Variants in ARHGAP28 observed in about 807,000 individuals in gnomAD.
The protein encoded by ARHGAP28 is Rho GTPase activating protein 28, also known as rho GTPase-activating protein 28.
In ARHGAP28, 56 loss-of-function variants were observed where a neutral mutation model predicts 90.7. The ratio of observed to expected loss-of-function variants is 0.62; its 90% CI spans 0.50 to 0.77. The LOEUF (loss-of-function observed/expected upper bound fraction) is 0.77. ARHGAP28 is among the 30% of genes least tolerant of loss of function. ARHGAP28 has a pLI of 0.00. For synonymous variants in ARHGAP28, 308 were observed against 323.3 expected (o/e 0.95, Z 0.51); for missense variants, 869 against 900.9 (o/e 0.96, Z 0.45).
intron 16 of ARHGAP28, among the ~76,000 whole-genome samples, chr18:6,899,730 G>T (rs773262699): frequency 6.6e-6 from 1 of 152,328 alleles, no homozygotes; most frequent in African/African-American, 2.4e-5. Context: ...GTGAGGCAGT[G>T]CAAGGCAGGC....
intron 17 of ARHGAP28, among the ~76,000 whole-genome samples, chr18:6,909,302 T>TTTC (rs2057383154): frequency 1.1e-4 from 1 of 9,016 alleles, no homozygotes; most frequent in African/African-American, 2.5e-4. Context: ...TTTCTTTTCT[T>TTTC]TTTTTTTTGA....
intron 1 of ARHGAP28, among the ~76,000 whole-genome samples, chr18:6,747,186 A>G (rs2056030758): frequency 6.6e-6 from 1 of 151,990 alleles, no homozygotes; most frequent in Non-Finnish European, 1.5e-5. Context: ...ATTGGAGCCC[A>G]GGAGAACTGG....
intron 4 of ARHGAP28, among the ~76,000 whole-genome samples, chr18:6,855,428 G>C (rs747081552): frequency 4.6e-5 from 7 of 152,162 alleles, no homozygotes; most frequent in Non-Finnish European, 1.0e-4. Flanking sequence ...ACCCATTTCA[G>C]GTCTCTTCAG....
At chr18:6,800,239 G>C (rs2056472031) in intron 1 of ARHGAP28, among the ~76,000 whole-genome samples, 1 of 152,184 alleles carries the variant, frequency 6.6e-6, no homozygotes, top group Admixed American at 6.5e-5. Flanking sequence ...GGAGAAATAG[G>C]AACACTTTTA....
At chr18:6,760,227 A>G (rs1054331258) in intron 1 of ARHGAP28, among the ~76,000 whole-genome samples, 5 of 152,214 alleles carry the variant, frequency 3.3e-5, no homozygotes, top group East Asian at 1.9e-4. Flanking sequence ...ATTTGCAAAT[A>G]TGATTATTTT....
At chr18:6,740,901 A>G (rs1362500301) in intron 1 of ARHGAP28, among the ~76,000 whole-genome samples, 4 of 152,186 alleles carry the variant, frequency 2.6e-5, no homozygotes, top group Non-Finnish European at 5.9e-5. Context: ...CCTGCTTCCC[A>G]TTACCACAGC....
rs185119042 is a variant in ARHGAP28, at chr18:6,730,575, A to G, written c.122+632A>G. Among the ~76,000 whole-genome samples, 8 of 152,346 alleles carry G rather than the reference A, an allele frequency of 5.3e-5. No homozygotes were observed. In the East Asian group the frequency reaches 5.8e-4, roughly 11 times the overall value. ...ATTTCCTTTTGGTCAAAAGAAGTCT[A>G]TAAGCATCTCATCCTGTACATTTCA... On this transcript the variant is annotated intron_variant, in intron 1 of 17. Transcript: ENST00000383472.
intron 14 of ARHGAP28, among the ~76,000 whole-genome samples, chr18:6,892,364 C>A (rs2057272700): frequency 6.6e-6 from 1 of 152,114 alleles, no homozygotes; most frequent in South Asian, 2.1e-4. Context: ...GTTGGCCAGG[C>A]TGGTTTCGAA....
At chr18:6,824,512 G>A (rs2056647893) in intron 1 of ARHGAP28, among the ~76,000 whole-genome samples, 1 of 151,924 alleles carries the variant, frequency 6.6e-6, no homozygotes, top group South Asian at 2.1e-4. Context: ...ACTCCAGCCT[G>A]GGCAACAGAG....
At chr18:6,893,363 A>G (rs1169720582) in intron 14 of ARHGAP28, among the ~76,000 whole-genome samples, 1 of 152,194 alleles carries the variant, frequency 6.6e-6, no homozygotes, top group African/African-American at 2.4e-5. Flanking sequence ...GAAAAGCATA[A>G]GTAAAAATGA....
chr18:6,876,704 G>GAGC (rs1725611572), intron 10 of ARHGAP28, among the ~76,000 whole-genome samples: 1 of 152,116 alleles, frequency 6.6e-6, no homozygotes, highest in Admixed American at 6.6e-5. Flanking sequence ...GCTCTTACAG[G>GAGC]AATTTGTAGC....
chr18:6,903,812 G>GCAAGACTC (rs1186698021), intron 16 of ARHGAP28, among the ~76,000 whole-genome samples: 1 of 107,694 alleles, frequency 9.3e-6, no homozygotes, highest in African/African-American at 3.7e-5. Flanking sequence ...CTGGGTGACA[G>GCAAGACTC]CAAGACTCCA....
chr18:6,809,968 C>T (rs908444437), intron 1 of ARHGAP28, among the ~76,000 whole-genome samples: 1 of 152,138 alleles, frequency 6.6e-6, no homozygotes, highest in Non-Finnish European at 1.5e-5. Flanking sequence ...TAAATTTCTT[C>T]AGAAATAAAT....
At chr18:6,883,989 T>C (rs2057199777) in intron 11 of ARHGAP28, among the ~76,000 whole-genome samples, 2 of 152,188 alleles carry the variant, frequency 1.3e-5, no homozygotes, top group African/African-American at 2.4e-5. Flanking sequence ...TAAAATACTT[T>C]CTGTTTTTCT....
intron 1 of ARHGAP28, among the ~76,000 whole-genome samples, chr18:6,812,393 G>T (rs920612964): frequency 2.0e-5 from 3 of 152,146 alleles, no homozygotes. Flanking sequence ...TTGAATGAAA[G>T]CTCAACAGAT....
At chr18:6,831,636 A>G (rs921144557) in intron 2 of ARHGAP28, among the ~76,000 whole-genome samples, 1 of 151,986 alleles carries the variant, frequency 6.6e-6, no homozygotes, top group African/African-American at 2.4e-5. Flanking sequence ...GTTGTCTACT[A>G]GATTTCTTAG....
At chr18:6,740,797 A>G (rs563437080) in intron 1 of ARHGAP28, among the ~76,000 whole-genome samples, 63 of 152,334 alleles carry the variant, frequency 4.1e-4, no homozygotes, top group African/African-American at 1.5e-3. Flanking sequence ...AGCCAGGAAC[A>G]ATGTCTGTGC....
At chr18:6,880,493 C>A (rs2057168853) in intron 10 of ARHGAP28, among the ~76,000 whole-genome samples, 1 of 152,230 alleles carries the variant, frequency 6.6e-6, no homozygotes, top group South Asian at 2.1e-4. Flanking sequence ...AAAGACAAAT[C>A]TACCCTTGCC....
chr18:6,858,489 A>G (rs918685208), intron 4 of ARHGAP28, among the ~76,000 whole-genome samples: 4 of 151,864 alleles, frequency 2.6e-5, no homozygotes, highest in African/African-American at 9.7e-5. Context: ...TGCCATTTGT[A>G]GTTATTTGGG....
Sources: allele counts gnomAD v4.1 joint callset (sites outside exome capture counted in the v4.1 genomes callset), GRCh38; gene constraint gnomAD v4.1.1; transcripts MANE v1.5; gene names NCBI Gene and HGNC (gene_info 2026-07-23, HGNC 2026-07-21).